GMDS: variants seen among roughly 807,000 people sequenced by gnomAD.
GMDS encodes the protein GDP-mannose 4,6-dehydratase, also known as GDP-mannose 4,6 dehydratase.
In GMDS, 20 loss-of-function variants were observed where a neutral mutation model predicts 49.9. The observed-to-expected ratio is 0.40, with a 90% CI of 0.28 to 0.58. The LOEUF (loss-of-function observed/expected upper bound fraction) is 0.58, where lower values mean the gene tolerates loss of function less well. Among genes scored for constraint, GMDS ranks in the 20% least tolerant of loss-of-function variants. The pLI, the probability that GMDS is intolerant of heterozygous loss-of-function variation, is 0.42. For missense variants in GMDS, 362 were observed against 481.4 expected (o/e 0.75, Z 2.32); for synonymous variants, 177 against 178.6 (o/e 0.99, Z 0.07).
intron 9 of GMDS, among the ~76,000 whole-genome samples, chr6:1,648,279 G>A (rs1312875217): frequency 1.3e-5 from 2 of 152,200 alleles, no homozygotes; most frequent in African/African-American, 4.8e-5. Flanking sequence ...AGCAGTGGAA[G>A]TTACGCTGGA....
intron 4 of GMDS, among the ~76,000 whole-genome samples, chr6:2,066,176 A>C (rs965416301): frequency 1.3e-5 from 2 of 150,450 alleles, no homozygotes; most frequent in African/African-American, 2.4e-5. Context: ...ACTAAGCTTC[A>C]TAAGTGAAGG....
chr6:1,745,261 G>T (rs1767438567), intron 7 of GMDS, among the ~76,000 whole-genome samples: 1 of 152,208 alleles, frequency 6.6e-6, no homozygotes, highest in South Asian at 2.1e-4. Context: ...CCTATTTTTA[G>T]TCATGTGAAA....
intron 9 of GMDS, among the ~76,000 whole-genome samples, chr6:1,709,041 C>G (rs187340256): frequency 2.6e-5 from 4 of 152,300 alleles, no homozygotes; most frequent in Admixed American, 2.6e-4. Context: ...TGCCGAGAAC[C>G]GTGTACACTG....
chr6:2,117,146 C>T (rs531122619), intron 3 of GMDS, among the ~76,000 whole-genome samples: 28 of 152,234 alleles, frequency 1.8e-4, no homozygotes, highest in African/African-American at 6.3e-4. Flanking sequence ...CGGGTCGGTG[C>T]ACTGCCAGTG....
rs369681773 is a variant in GMDS, at chr6:2,075,974, C to T, written c.345+39797G>A. ...CTAACTGGTGTGAGATGGTATCTCA[C>T]TGTGGTTTTGATTTGCATTTCTCTG... On this transcript the variant is annotated intron_variant, in intron 4 of 10. Coordinates refer to ENST00000380815, the MANE Select transcript of GMDS (RefSeq NM_001500.4). Among the ~76,000 whole-genome samples, 11 of 151,970 alleles carry T rather than the reference C, an allele frequency of 7.2e-5. No individual in the cohort carries two copies. The South Asian group carries it at 8.3e-4, about 11-fold the overall frequency.
At chr6:1,681,701 A>C (rs574253034) in intron 9 of GMDS, among the ~76,000 whole-genome samples, 1 of 152,336 alleles carries the variant, frequency 6.6e-6, no homozygotes, top group East Asian at 1.9e-4. Context: ...TCTGATTTTC[A>C]AAACACCACT....
At chr6:1,764,860 T>C (rs2113561517) in intron 7 of GMDS, among the ~76,000 whole-genome samples, 1 of 152,322 alleles carries the variant, frequency 6.6e-6, no homozygotes, top group Non-Finnish European at 1.5e-5. Flanking sequence ...ATCCTGGCAA[T>C]TTATATGTTT....
chr6:1,749,687 T>G (rs1767647885), intron 7 of GMDS, among the ~76,000 whole-genome samples: 2 of 152,174 alleles, frequency 1.3e-5, no homozygotes, highest in Non-Finnish European at 2.9e-5. Context: ...TCTATGAGGA[T>G]AGTTTCTGCT....
At position 1,879,011 on chromosome 6, in the gene GMDS, A is replaced by C. The variant is rs144495701; in HGVS notation, c.771+51092T>G. ...TGAAGGCAGAGGCTCTGCTGTATTC[A>C]TCCTGTTGTCCATCCCCAGAGTGAA... On this transcript the variant is annotated intron_variant, in intron 7 of 10. Coordinates refer to ENST00000380815, the MANE Select transcript of GMDS (RefSeq NM_001500.4). Among the ~76,000 whole-genome samples, 1,295 of 152,278 alleles carry C rather than the reference A, an allele frequency of 8.5e-3. 11 individuals carry two copies. The highest frequency in any genetic ancestry group is 0.013 in the Non-Finnish European group (906 of 68,020).
At chr6:1,758,502 G>C (rs975673328) in intron 7 of GMDS, among the ~76,000 whole-genome samples, 3 of 152,190 alleles carry the variant, frequency 2.0e-5, no homozygotes, top group East Asian at 1.9e-4. Context: ...TGCTGCAGAG[G>C]GGGTAGGTGT....
At chr6:1,883,283 C>T (rs1163114141) in intron 7 of GMDS, among the ~76,000 whole-genome samples, 1 of 151,806 alleles carries the variant, frequency 6.6e-6, no homozygotes, top group African/African-American at 2.4e-5. Context: ...CCCAGCTACT[C>T]GGGAGGCTGA....
chr6:2,044,786 C>T (rs1312334626), intron 4 of GMDS, among the ~76,000 whole-genome samples: 2 of 152,158 alleles, frequency 1.3e-5, no homozygotes, highest in Non-Finnish European at 2.9e-5. Flanking sequence ...TTAATTGGAA[C>T]ACTTCAAGTG....
At chr6:2,061,575 C>T (rs1307228684) in intron 4 of GMDS, among the ~76,000 whole-genome samples, 5 of 151,722 alleles carry the variant, frequency 3.3e-5, no homozygotes, top group East Asian at 1.9e-4. Flanking sequence ...AAAAACTAGC[C>T]GGGCATGGTG....
At chr6:1,768,625 T>A (rs1768454843) in intron 7 of GMDS, among the ~76,000 whole-genome samples, 1 of 152,254 alleles carries the variant, frequency 6.6e-6, no homozygotes, top group Non-Finnish European at 1.5e-5. Context: ...AAATCTGAAC[T>A]TTTTGAGTGC....
At chr6:1,909,155 A>C (rs1306913605) in intron 7 of GMDS, among the ~76,000 whole-genome samples, 7 of 151,400 alleles carry the variant, frequency 4.6e-5, no homozygotes, top group Non-Finnish European at 1.0e-4. Context: ...AATGCCTTTC[A>C]AACAAAGACT....
chr6:1,760,157 G>C (rs915552931), intron 7 of GMDS, among the ~76,000 whole-genome samples: 1 of 152,168 alleles, frequency 6.6e-6, no homozygotes, highest in South Asian at 2.1e-4. Context: ...CAGACACAGA[G>C]GAAAGCAGAT....
At chr6:2,131,535 T>C (rs964134872) in intron 1 of GMDS, among the ~76,000 whole-genome samples, 4 of 152,194 alleles carry the variant, frequency 2.6e-5, no homozygotes, top group African/African-American at 4.8e-5. Context: ...CTCCTCAACT[T>C]ACAATGGAGT....
At chr6:2,061,111 G>T (rs907220484) in intron 4 of GMDS, among the ~76,000 whole-genome samples, 11 of 152,168 alleles carry the variant, frequency 7.2e-5, no homozygotes, top group Non-Finnish European at 1.3e-4. Flanking sequence ...CAGGAGCACG[G>T]TTGCTGTGTC....
intron 4 of GMDS, among the ~76,000 whole-genome samples, chr6:2,048,014 A>C (rs1305119092): frequency 6.6e-6 from 1 of 152,176 alleles, no homozygotes; most frequent in Non-Finnish European, 1.5e-5. Flanking sequence ...GAGTAACAGC[A>C]CTAAAAAATG....
Sources: allele counts gnomAD v4.1 joint callset (sites outside exome capture counted in the v4.1 genomes callset), GRCh38; gene constraint gnomAD v4.1.1; transcripts MANE v1.5; gene names NCBI Gene and HGNC (gene_info 2026-07-23, HGNC 2026-07-21).